The following SLIT1 variants were observed in gnomAD, a reference collection of about 807,000 sequenced individuals.
SLIT1 encodes slit guidance ligand 1, also known as slit homolog 1 protein.
A neutral mutation model predicts 186.1 loss-of-function variants in SLIT1; 66 were observed. That is an observed-to-expected ratio of 0.35 (90% CI 0.29 to 0.44). The LOEUF (loss-of-function observed/expected upper bound fraction) is 0.44, where lower values mean the gene tolerates loss of function less well. Ranked by LOEUF, SLIT1 falls within the 20% of genes least tolerant of loss-of-function variation. The pLI is 1.00. For missense variants in SLIT1, 1,638 were observed against 2,037.4 expected (o/e 0.80, Z 3.77); for synonymous variants, 761 against 833.8 (o/e 0.91, Z 1.50).
chr10:97,132,270 A>T (rs1849661528), intron 4 of SLIT1, among the ~76,000 whole-genome samples: 2 of 152,166 alleles, frequency 1.3e-5, no homozygotes, highest in African/African-American at 4.8e-5. Flanking sequence ...CTGCAGGCTC[A>T]GGTAACCCAG....
chr10:97,051,074 G>C (rs1848782129), intron 13 of SLIT1, among the ~76,000 whole-genome samples: 10 of 152,164 alleles, frequency 6.6e-5, no homozygotes, highest in Admixed American at 6.5e-4. Context: ...TCCCTGAACA[G>C]TTCTGGCAGT....
At chr10:97,180,517 T>C (rs904795362) in intron 1 of SLIT1, among the ~76,000 whole-genome samples, 2 of 152,212 alleles carry the variant, frequency 1.3e-5, no homozygotes, top group African/African-American at 2.4e-5. Flanking sequence ...CCAGCACTAT[T>C]CACCCGGCAC....
At chr10:97,056,572 G>T (rs546455720) in intron 12 of SLIT1, 108 bp from the exon 13 acceptor site, 2 of 1,213,840 alleles carry the variant, frequency 1.6e-6, no homozygotes, top group African/African-American at 1.5e-5. Context: ...ACAGGGAGGA[G>T]CCCATCGGAG....
intron 13 of SLIT1, among the ~76,000 whole-genome samples, chr10:97,049,448 G>A (rs1039201817): frequency 1.3e-5 from 2 of 152,314 alleles, no homozygotes; most frequent in African/African-American, 4.8e-5. Context: ...GAGCACGAGC[G>A]GAGACAGGAA....
At chr10:97,157,972 G>A (rs1589415091) in intron 3 of SLIT1, 83 bp from the exon 4 acceptor site, 1 of 993,022 alleles carries the variant, frequency 1.0e-6, no homozygotes, top group Non-Finnish European at 1.6e-6. Context: ...GATGGATTCA[G>A]AGGCAGAAGG....
intron 4 of SLIT1, among the ~76,000 whole-genome samples, chr10:97,080,293 C>T (rs1049678998): frequency 1.1e-4 from 16 of 152,086 alleles, no homozygotes; most frequent in African/African-American, 3.4e-4. Flanking sequence ...CACAGGACAT[C>T]GTTTCCTGCA....
In SLIT1 at chr10:97,006,318, AC is replaced by A. The variant is rs1196763826; in HGVS notation, c.3579+164del. Among the ~76,000 whole-genome samples the A allele has an allele frequency of 6.6e-6, 1 of 152,210 alleles. No homozygotes were observed. The highest frequency in any genetic ancestry group is 1.5e-5 in the Non-Finnish European group (1 of 68,034). On this transcript the variant is annotated intron_variant, in intron 32 of 36. Transcript: ENST00000266058. This position sits in a 1 kb window ranked among gnomAD's most constrained non-coding sequence, Gnocchi z 4.0. ...CTATAACCTTTCTAATTGTGCTTAA[AC>A]TAGTTCAAGCTGAGATTTTGATACC...
intron 22 of SLIT1, 60 bp downstream of exon 22, chr10:97,037,638 C>T (rs1234582952): frequency 1.4e-5 from 18 of 1,324,336 alleles, no homozygotes; most frequent in East Asian, 2.3e-5. Flanking sequence ...CCAGGAAAGC[C>T]GGAGTCCTGA....
At chr10:97,112,625 C>T (rs1250206906) in intron 4 of SLIT1, among the ~76,000 whole-genome samples, 1 of 152,234 alleles carries the variant, frequency 6.6e-6, no homozygotes, top group Non-Finnish European at 1.5e-5. Flanking sequence ...AGTCCAGTAT[C>T]AGGAACAAAA....
intron 8 of SLIT1, among the ~76,000 whole-genome samples, chr10:97,063,198 A>T (rs1848909146): frequency 6.6e-6 from 1 of 151,980 alleles, no homozygotes; most frequent in Non-Finnish European, 1.5e-5. Context: ...GACAAATGCC[A>T]TGGTGAGAAT....
At chr10:97,114,136 TGTA>T (rs1176183451) in intron 4 of SLIT1, among the ~76,000 whole-genome samples, 3 of 152,154 alleles carry the variant, frequency 2.0e-5, no homozygotes. Context: ...CACGTCACAG[TGTA>T]ACTGTCTATG....
At chr10:97,109,349 A>G (rs1402131810) in intron 4 of SLIT1, among the ~76,000 whole-genome samples, 2 of 152,198 alleles carry the variant, frequency 1.3e-5, no homozygotes, top group African/African-American at 2.4e-5. Flanking sequence ...CCTATCTGTA[A>G]TGAGTAGAGA....
intron 22 of SLIT1, among the ~76,000 whole-genome samples, chr10:97,034,778 C>T (rs1208055088): frequency 6.6e-6 from 1 of 152,164 alleles, no homozygotes; most frequent in African/African-American, 2.4e-5. Flanking sequence ...TCCTGACCCT[C>T]ACCCCCATCC....
intron 4 of SLIT1, among the ~76,000 whole-genome samples, chr10:97,141,668 C>CATTAT (rs1554853310): frequency 9.2e-6 from 1 of 108,846 alleles, no homozygotes; most frequent in African/African-American, 4.0e-5. Flanking sequence ...TATTGCATTG[C>CATTAT]ATTGTATCGT....
At position 97,017,304 on chromosome 10, in the gene SLIT1, T is replaced by C. The variant is rs186713901; in HGVS notation, c.2969+1282A>G. ...GAAGAGAGGCCATTTAGTGATTCAT[T>C]TTTACATCTGGTAATTTGGGTATGC... On this transcript the variant is annotated intron_variant, in intron 28 of 36. Transcript: ENST00000266058. 2.5e-3 allele frequency among the ~76,000 whole-genome samples: 380 copies of C among 152,328 alleles called. 1 individual carries two copies. Among genetic ancestry groups the C allele is most frequent in the Non-Finnish European group, 4.2e-3 (283 of 68,038 alleles).
intron 4 of SLIT1, among the ~76,000 whole-genome samples, chr10:97,108,384 C>T (rs1849433753): frequency 5.9e-5 from 9 of 152,226 alleles, no homozygotes; most frequent in Admixed American, 5.9e-4. Context: ...AAAATAGTTC[C>T]CAGGAAGCGC....
At chr10:97,118,170 G>C (rs1849525658) in intron 4 of SLIT1, among the ~76,000 whole-genome samples, 1 of 152,174 alleles carries the variant, frequency 6.6e-6, no homozygotes, top group Non-Finnish European at 1.5e-5. Context: ...ACTCAGTGCA[G>C]CTTTACAAGG....
intron 28 of SLIT1, among the ~76,000 whole-genome samples, chr10:97,015,165 A>G (rs1848444536): frequency 6.6e-6 from 1 of 152,216 alleles, no homozygotes; most frequent in African/African-American, 2.4e-5. Context: ...TCAGAACTCT[A>G]AAAAGGTGGC....
At chr10:97,035,459 C>T (rs755186967) in intron 22 of SLIT1, among the ~76,000 whole-genome samples, 1 of 152,202 alleles carries the variant, frequency 6.6e-6, no homozygotes, top group Non-Finnish European at 1.5e-5. Context: ...TGCCTGCCCA[C>T]ACATCTGCCC....
Sources: allele counts gnomAD v4.1 joint callset (sites outside exome capture counted in the v4.1 genomes callset), GRCh38; gene constraint gnomAD v4.1.1; non-coding constraint Gnocchi (gnomAD v3.1); transcripts MANE v1.5; gene names NCBI Gene and HGNC (gene_info 2026-07-23, HGNC 2026-07-21).